The following PCDH15 variants were observed in gnomAD, a reference collection of about 807,000 sequenced individuals.
The protein encoded by PCDH15 is protocadherin-15.
PCDH15 carries 129 observed loss-of-function variants against 178.5 expected under a neutral mutation model. The observed-to-expected ratio is 0.72, with a 90% CI of 0.63 to 0.84. The LOEUF (loss-of-function observed/expected upper bound fraction) is 0.84, where lower values mean the gene tolerates loss of function less well. Among genes scored for constraint, PCDH15 ranks in the 40% least tolerant of loss-of-function variants. The probability of loss-of-function intolerance (pLI) is 0.00; values close to 1 mark genes in which losing one functional copy is unlikely to be tolerated. For synonymous variants in PCDH15, 800 were observed against 732.0 expected (o/e 1.09, Z -1.50); for missense variants, 2,230 against 2,099.9 (o/e 1.06, Z -1.21).
intron 1 of PCDH15, among the ~76,000 whole-genome samples, chr10:54,723,475 A>G (rs548145813): frequency 1.3e-5 from 2 of 151,974 alleles, no homozygotes; most frequent in Admixed American, 6.6e-5. Context: ...TCTCTTCTGG[A>G]CATTTGCCTT....
At chr10:53,873,513 T>C (rs980520051) in intron 26 of PCDH15, among the ~76,000 whole-genome samples, 1 of 152,200 alleles carries the variant, frequency 6.6e-6, no homozygotes, top group Non-Finnish European at 1.5e-5. Context: ...GATTAGTAAC[T>C]TGTTCATAAT....
chr10:54,309,054 G>T (rs2060729232), intron 8 of PCDH15, among the ~76,000 whole-genome samples: 1 of 151,968 alleles, frequency 6.6e-6, no homozygotes, highest in Non-Finnish European at 1.5e-5. Context: ...TGATCACTTT[G>T]CTGGCCCCAA....
At chr10:53,895,774 T>G (rs948404416) in intron 26 of PCDH15, among the ~76,000 whole-genome samples, 1 of 152,314 alleles carries the variant, frequency 6.6e-6, no homozygotes, top group African/African-American at 2.4e-5. Context: ...GTGTCACAAT[T>G]TACACAGTTC....
intron 13 of PCDH15, among the ~76,000 whole-genome samples, chr10:54,171,343 C>T (rs2046884064): frequency 6.6e-6 from 1 of 152,128 alleles, no homozygotes; most frequent in African/African-American, 2.4e-5. Context: ...ATACTTTTAC[C>T]ACTTTCCCTT....
chr10:55,314,380 A>G (rs1372409415), intron 1 of PCDH15, among the ~76,000 whole-genome samples: 3 of 151,914 alleles, frequency 2.0e-5, no homozygotes, highest in Non-Finnish European at 4.4e-5. Context: ...GAAGAAAAAC[A>G]AAAATAATAA....
intron 2 of PCDH15, among the ~76,000 whole-genome samples, chr10:54,919,176 C>CT (rs1324458787): frequency 6.6e-6 from 1 of 152,206 alleles, no homozygotes; most frequent in Non-Finnish European, 1.5e-5. Flanking sequence ...CTTGAATACT[C>CT]TTTTTTTGGA....
intron 2 of PCDH15, among the ~76,000 whole-genome samples, chr10:55,339,827 T>C (rs1210995951): frequency 2.0e-5 from 3 of 151,910 alleles, no homozygotes; most frequent in Non-Finnish European, 4.4e-5. Context: ...TAAAGAGAAA[T>C]CAGTATTAAG....
intron 1 of PCDH15, among the ~76,000 whole-genome samples, chr10:55,259,902 C>CAAAAAAAAAAAAAAAAAAA (rs749939571): frequency 7.7e-5 from 4 of 52,008 alleles, no homozygotes; most frequent in Non-Finnish European, 1.5e-4. Flanking sequence ...AACTCCGTCT[C>CAAAAAAAAAAAAAAAAAAA]AAAAAAAAAA....
Position 53,822,469 on chromosome 10 carries a change from T to TAGG in PCDH15, c.4368-2242_4368-2240dup. The TAGG allele has an allele frequency of 2.5e-6, 4 of 1,599,166 alleles. No homozygotes were observed. Among genetic ancestry groups the TAGG allele is most frequent in the Non-Finnish European group, 3.4e-6 (4 of 1,173,902 alleles). ...GCAGGAGGAGGAGAAGGAGGAGAAATAGGAGGAGGAGGGGGAAGGGGACAG... is the reference window on the plus strand; with the variant it reads ...GCAGGAGGAGGAGAAGGAGGAGAAATAGGAGGAGGAGGAGGGGGAAGGGGACAG... On this transcript the variant is annotated intron_variant, in intron 32 of 37. Coordinates refer to ENST00000644397, the MANE Select transcript of PCDH15 (RefSeq NM_001384140.1).
chr10:55,590,999 A>G (rs1389405858), intron 2 of PCDH15, among the ~76,000 whole-genome samples: 1 of 152,166 alleles, frequency 6.6e-6, no homozygotes, highest in Non-Finnish European at 1.5e-5. Flanking sequence ...TAACCCAATT[A>G]TCAAAAAATA....
chr10:55,259,942 T>TAAAAAA (rs1842107017), intron 1 of PCDH15, among the ~76,000 whole-genome samples: 1 of 97,478 alleles, frequency 1.0e-5, no homozygotes, highest in Non-Finnish European at 2.1e-5. Flanking sequence ...AAAAAAAAAG[T>TAAAAAA]TTAGCTAAGA....
At position 54,923,971 on chromosome 10, in the gene PCDH15, G is replaced by A. The variant is rs145463891; in HGVS notation, c.-79-26471C>T. 2.8e-4 allele frequency among the ~76,000 whole-genome samples: 39 copies of A among 137,292 alleles called. 5 individuals carry two copies. Among genetic ancestry groups the A allele is most frequent in the African/African-American group, 6.3e-4 (25 of 39,856 alleles). 90.1% of individuals were successfully genotyped at this position (137,292 alleles called of 152,430 possible). ...TCTCTGGTACTAATTTTCTGTATTA[G>A]TACATTGTCACATAGCTAAAAAGAA... On this transcript the variant is annotated intron_variant, in intron 2 of 5. Coordinates refer to the PCDH15 transcript ENST00000458638.
At chr10:55,262,631 G>C (rs1163408480) in intron 1 of PCDH15, among the ~76,000 whole-genome samples, 1 of 152,090 alleles carries the variant, frequency 6.6e-6, no homozygotes, top group Non-Finnish European at 1.5e-5. Context: ...AGGAGAGCCC[G>C]GCCACTGAGC....
chr10:54,436,262 T>G (rs530974625), intron 3 of PCDH15, among the ~76,000 whole-genome samples: 68 of 142,882 alleles, frequency 4.8e-4, no homozygotes, highest in East Asian at 9.7e-4. Flanking sequence ...ATTTAATGGG[T>G]TTTTTTTTGT....
chr10:54,885,361 T>C (rs4935125), intron 3 of PCDH15, among the ~76,000 whole-genome samples: 148,886 of 152,088 alleles, frequency 0.98, 72,952 homozygotes, highest in East Asian at 1. Flanking sequence ...CAGTATAATA[T>C]TGCCACATCA....
intron 1 of PCDH15, among the ~76,000 whole-genome samples, chr10:55,266,497 T>C (rs1190443177): frequency 6.6e-6 from 1 of 152,156 alleles, no homozygotes; most frequent in African/African-American, 2.4e-5. Flanking sequence ...CCTGTGCCCA[T>C]GGACCTAGGT....
intron 1 of PCDH15, among the ~76,000 whole-genome samples, chr10:54,782,655 G>C (rs974860905): frequency 3.3e-5 from 5 of 151,894 alleles, no homozygotes; most frequent in African/African-American, 1.2e-4. Context: ...ATCTCCTTTA[G>C]TGGCAGAGCT....
chr10:54,998,489 C>A (rs1238436114), intron 2 of PCDH15, among the ~76,000 whole-genome samples: 1 of 151,852 alleles, frequency 6.6e-6, no homozygotes, highest in African/African-American at 2.4e-5. Context: ...AATAAATAAT[C>A]ATCACAATTA....
At chr10:55,368,651 T>C (rs1411203806) in intron 2 of PCDH15, among the ~76,000 whole-genome samples, 1 of 151,354 alleles carries the variant, frequency 6.6e-6, no homozygotes, top group Non-Finnish European at 1.5e-5. Flanking sequence ...ATAACACTGG[T>C]AGTTCTAAGA....
Sources: allele counts gnomAD v4.1 joint callset (sites outside exome capture counted in the v4.1 genomes callset), GRCh38; gene constraint gnomAD v4.1.1; transcripts MANE v1.5; gene names NCBI Gene and HGNC (gene_info 2026-07-23, HGNC 2026-07-21).